The following ELL2 variants were observed in gnomAD, a reference collection of about 807,000 sequenced individuals.
ELL2 encodes RNA polymerase II elongation factor ELL2.
A neutral mutation model predicts 72.8 loss-of-function variants in ELL2; 21 were observed. The observed-to-expected ratio is 0.29, with a 90% CI of 0.20 to 0.42. The LOEUF is 0.42. Among genes scored for constraint, ELL2 ranks in the 10% least tolerant of loss-of-function variants. The pLI is 1.00. For synonymous variants in ELL2, 266 were observed against 283.2 expected (o/e 0.94, Z 0.61); for missense variants, 568 against 772.8 (o/e 0.73, Z 3.14).
chr5:95,889,739 T>G (rs1362649093), intron 10 of ELL2, among the ~76,000 whole-genome samples: 2 of 152,194 alleles, frequency 1.3e-5, no homozygotes, highest in Non-Finnish European at 2.9e-5. Context: ...TAGATTCAAT[T>G]AAATACGGTA....
chr5:95,940,770 T>C (rs116396488), intron 2 of ELL2, among the ~76,000 whole-genome samples: 59 of 152,294 alleles, frequency 3.9e-4, no homozygotes, highest in East Asian at 2.7e-3. Flanking sequence ...AGCATACTTC[T>C]TCAGAGAGGA....
intron 1 of ELL2, among the ~76,000 whole-genome samples, chr5:95,950,313 A>G (rs3777167): frequency 0.39 from 58,658 of 151,942 alleles, 13,459 homozygotes; most frequent in East Asian, 0.84. Context: ...TTGTTCTTTA[A>G]GACATCATCT....
intron 4 of ELL2, among the ~76,000 whole-genome samples, chr5:95,913,047 T>G (rs1749663183): frequency 6.7e-6 from 1 of 149,986 alleles, no homozygotes; most frequent in Admixed American, 6.6e-5. Flanking sequence ...ATAGTCACCA[T>G]GAATTGACTC....
At chr5:95,920,669 A>G (rs1750028274) in intron 2 of ELL2, among the ~76,000 whole-genome samples, 1 of 152,014 alleles carries the variant, frequency 6.6e-6, no homozygotes, top group South Asian at 2.1e-4. Flanking sequence ...GGTGTGTGCA[A>G]TTGGAATCTT....
At chr5:95,914,060 A>G (rs759093246) in intron 3 of ELL2, 126 bp from the exon 4 acceptor site, 4 of 751,922 alleles carry the variant, frequency 5.3e-6, no homozygotes, top group Non-Finnish European at 7.7e-6. Context: ...AACTAATATT[A>G]ATTTTTAAAT....
rs547014074 is a variant in ELL2, at chr5:95,919,011, A to C, written c.317+413T>G. ...CCTTAGAACATGGCTTGAACAGGGA[A>C]GAAGGAAGAAAGCATGCAAGATGGA... On this transcript the variant is annotated intron_variant, in intron 3 of 11. Coordinates refer to ENST00000237853, the MANE Select transcript of ELL2 (RefSeq NM_012081.6). Among the ~76,000 whole-genome samples, 4 of 152,222 alleles carry C rather than the reference A, an allele frequency of 2.6e-5. No homozygotes were observed. The South Asian group carries it at 8.3e-4, about 32-fold the overall frequency.
intron 1 of ELL2, among the ~76,000 whole-genome samples, chr5:95,958,451 C>CTGCAGTAAGTACCAACGG (rs1390153548): frequency 6.6e-5 from 10 of 152,198 alleles, no homozygotes; most frequent in Non-Finnish European, 1.5e-4. Flanking sequence ...TGGGTGGAGC[C>CTGCAGTAAGTACCAACGG]TGCAGTAAGT....
intron 5 of ELL2, among the ~76,000 whole-genome samples, chr5:95,906,303 A>G (rs1388933646): frequency 6.6e-6 from 1 of 152,238 alleles, no homozygotes; most frequent in Non-Finnish European, 1.5e-5. Context: ...TGTTGGTCCC[A>G]AATAAAGACA....
At chr5:95,908,212 T>C (rs1246715286) in intron 4 of ELL2, among the ~76,000 whole-genome samples, 1 of 152,210 alleles carries the variant, frequency 6.6e-6, no homozygotes, top group Non-Finnish European at 1.5e-5. Context: ...TGGAAACTTA[T>C]GCACCAATTA....
rs569387071 is a variant in ELL2, at chr5:95,886,962, T to C, written c.*1909A>G. On this transcript the variant is annotated 3_prime_UTR_variant, in exon 12 of 12. Transcript: ENST00000237853. ...ATAACACCAATGAGTTCATTACCTA[T>C]AGACGAACCACTCAGGAGACTCTAT... 3 of 152,328 alleles carry C rather than the reference T, an allele frequency of 2.0e-5. No individual in the cohort carries two copies. The highest frequency in any genetic ancestry group is 7.2e-5 in the African/African-American group (3 of 41,584). 9.4% of individuals were successfully genotyped at this position (152,328 alleles called of 1,614,324 possible). A position where few individuals can be genotyped will look rare whatever the true frequency, so the allele number is the denominator to read the frequency against.
At chr5:95,931,405 A>G (rs1750595188) in intron 2 of ELL2, among the ~76,000 whole-genome samples, 1 of 152,072 alleles carries the variant, frequency 6.6e-6, no homozygotes, top group Admixed American at 6.6e-5. Context: ...TCCAATTCTG[A>G]CCTGTTTGAT....
At chr5:95,936,737 A>G (rs1750788584) in intron 2 of ELL2, among the ~76,000 whole-genome samples, 1 of 152,152 alleles carries the variant, frequency 6.6e-6, no homozygotes, top group Admixed American at 6.5e-5. Context: ...AGAGTAAGGG[A>G]TGGTTAAATT....
intron 1 of ELL2, among the ~76,000 whole-genome samples, chr5:95,958,561 T>C (rs1382385118): frequency 1.3e-5 from 2 of 152,230 alleles, no homozygotes; most frequent in African/African-American, 2.4e-5. Flanking sequence ...CTCCAATTCC[T>C]GCTTGCTTGT....
intron 2 of ELL2, among the ~76,000 whole-genome samples, chr5:95,935,902 T>TA (rs56756140): frequency 0.22 from 34,203 of 152,116 alleles, 3,933 homozygotes; most frequent in East Asian, 0.38. Flanking sequence ...AGAAGCATGT[T>TA]AAAATGCAAA....
At chr5:95,919,657 T>C in intron 2 of ELL2, 112 bp from the exon 3 acceptor site, 1 of 1,277,990 alleles carries the variant, frequency 7.8e-7, no homozygotes, top group African/African-American at 1.5e-5. Flanking sequence ...CCTAAGCCCT[T>C]TTGATATATA....
At chr5:95,895,428 G>A (rs539470548) in intron 9 of ELL2, among the ~76,000 whole-genome samples, 200 bp downstream of exon 9, 15 of 152,130 alleles carry the variant, frequency 9.9e-5, no homozygotes, top group East Asian at 1.9e-4. Context: ...AGCTCAGAGC[G>A]GGGGGAGGCA....
At chr5:95,960,987 C>A (rs898210537) in intron 1 of ELL2, among the ~76,000 whole-genome samples, 5 of 151,822 alleles carry the variant, frequency 3.3e-5, no homozygotes, top group African/African-American at 1.2e-4. Context: ...CCTCACCATG[C>A]GCCCGAGTCC....
chr5:95,898,844 T>A (rs767464329), intron 7 of ELL2, 34 bp from the exon 8 acceptor site: 1 of 1,458,710 alleles, frequency 6.9e-7, no homozygotes, highest in Non-Finnish European at 9.1e-7. Flanking sequence ...GTGAGCCAGT[T>A]TGCACTAAAA....
At chr5:95,933,691 A>G (rs934984567) in intron 2 of ELL2, among the ~76,000 whole-genome samples, 2 of 152,146 alleles carry the variant, frequency 1.3e-5, no homozygotes, top group African/African-American at 2.4e-5. Context: ...TTTTTCAATC[A>G]GAAAAACAAT....
Sources: gnomAD v4.1 joint callset for allele counts (sites outside exome capture counted in the v4.1 genomes callset) on GRCh38, gnomAD v4.1.1 for gene constraint, MANE v1.5 for transcripts, NCBI Gene and HGNC (gene_info 2026-07-23, HGNC 2026-07-21) for gene names.